Variants in MLANA observed in about 807,000 individuals in gnomAD.
MLANA encodes the protein melanoma antigen recognized by T-cells 1.
Under a neutral mutation model 15.7 loss-of-function variants are expected in MLANA, and 21 were observed. That is an observed-to-expected ratio of 1.33 (90% CI 0.95 to 1.92). The LOEUF (loss-of-function observed/expected upper bound fraction) is 1.92. MLANA is among the 40% of genes most tolerant of loss of function. MLANA has a pLI of 0.00. For synonymous variants in MLANA, 56 were observed against 51.5 expected, an observed-to-expected ratio of 1.09 and a Z score of -0.37; for missense variants, 164 against 143.8, an observed-to-expected ratio of 1.14 and a Z score of -0.72.
chr9:5,897,758 T>G, intron 3 of MLANA, 105 bp downstream of exon 3: 1 of 994,660 alleles, frequency 1.0e-6, no homozygotes, highest in South Asian at 1.3e-5. Flanking sequence ...ATTATAACCT[T>G]CAGCTCTGAT....
rs975547879 is a variant in MLANA at position 5,908,806 on chromosome 9, G to C, written c.*98G>C. 5.0e-6 allele frequency: 6 copies of C among 1,196,164 alleles called. No homozygotes were observed. The highest frequency in any genetic ancestry group is 1.9e-4 in the Middle Eastern group (1 of 5,158). The allele number at this position is 1,196,164 out of a possible 1,614,324, so 74.1% of individuals were successfully genotyped here. On this transcript the variant is annotated 3_prime_UTR_variant, in exon 5 of 5. Transcript: ENST00000381477. ...TAATGTTCTCCTTTGGAATGGTGTA[G>C]GAAAAATGCAAGCCATCTCTAATAA...
In MLANA at chr9:5,910,350, T is replaced by C. The variant is rs913488318; in HGVS notation, c.*1642T>C. ...GAAAACACAGGATAAAGAGATGTATTACACACATCGAAAAAAACAACATTT... is the reference window on the plus strand; with the variant it reads ...GAAAACACAGGATAAAGAGATGTATCACACACATCGAAAAAAACAACATTT... On this transcript the variant is annotated 3_prime_UTR_variant, in exon 5 of 5. Coordinates refer to ENST00000381477, the MANE Select transcript of MLANA (RefSeq NM_005511.2). 6.6e-6 allele frequency: 1 copy of C among 152,214 alleles called. No homozygotes were observed. Among genetic ancestry groups the C allele is most frequent in the East Asian group, 1.9e-4 (1 of 5,204 alleles). 9.4% of individuals were successfully genotyped at this position (152,214 alleles called of 1,614,324 possible).
chr9:5,899,072 A>C (rs1250522222), intron 3 of MLANA: 3 of 152,244 alleles, frequency 2.0e-5, no homozygotes, highest in Non-Finnish European at 4.4e-5. Flanking sequence ...GCTTAAAGCC[A>C]GGTAGCACTT....
intron 3 of MLANA, among the ~76,000 whole-genome samples, chr9:5,898,616 G>T (rs764557936): frequency 6.6e-5 from 10 of 152,158 alleles, no homozygotes; most frequent in Non-Finnish European, 1.2e-4. Context: ...GGTTTATAGG[G>T]CACAGGGGAA....
chr9:5,902,294 T>A (rs911187988), intron 3 of MLANA, among the ~76,000 whole-genome samples: 1 of 152,334 alleles, frequency 6.6e-6, no homozygotes, highest in Non-Finnish European at 1.5e-5. Flanking sequence ...TGAGCATAGT[T>A]CATAGTATTC....
At chr9:5,899,749 T>C (rs4554522) in intron 3 of MLANA, among the ~76,000 whole-genome samples, 26,661 of 152,184 alleles carry the variant, frequency 0.18, 2,421 homozygotes, top group Middle Eastern at 0.21. Flanking sequence ...CTTTCCCCTA[T>C]GTATGAACCA....
chr9:5,898,653 C>T (rs766118584), intron 3 of MLANA, among the ~76,000 whole-genome samples: 8 of 152,148 alleles, frequency 5.3e-5, no homozygotes, highest in East Asian at 3.9e-4. Context: ...TTATAGCAAA[C>T]AGGAGTATAT....
chr9:5,893,163 C>T (rs1175904554), intron 2 of MLANA, among the ~76,000 whole-genome samples: 1 of 152,190 alleles, frequency 6.6e-6, no homozygotes, highest in Non-Finnish European at 1.5e-5. Flanking sequence ...AAAAAACTCA[C>T]AACTTAGTGG....
At position 5,908,979 on chromosome 9, in the gene MLANA, G is replaced by C; in HGVS notation, c.*271G>C. 2.5e-6 allele frequency: 1 copy of C among 402,518 alleles called. No individual in the cohort carries two copies. Among genetic ancestry groups the C allele is most frequent in the South Asian group, 3.6e-5 (1 of 28,098 alleles). 24.9% of individuals were successfully genotyped at this position (402,518 alleles called of 1,614,324 possible). On this transcript the variant is annotated 3_prime_UTR_variant, in exon 5 of 5. Transcript: ENST00000381477. ...CAGAGGTAATGTTAGTAAATCCATG[G>C]TGTTATTTTCTGAGAGACAGAATTC...
At chr9:5,893,676 A>T (rs970239270) in intron 2 of MLANA, among the ~76,000 whole-genome samples, 1 of 151,928 alleles carries the variant, frequency 6.6e-6, no homozygotes, top group African/African-American at 2.4e-5. Flanking sequence ...CACTCAACAG[A>T]CTCTTTAAAA....
intron 4 of MLANA, among the ~76,000 whole-genome samples, chr9:5,908,134 C>T (rs1364705614): frequency 6.6e-6 from 1 of 152,134 alleles, no homozygotes; most frequent in Non-Finnish European, 1.5e-5. Flanking sequence ...GCGAGTTAAC[C>T]TCTCTGTGCC....
chr9:5,901,222 T>C (rs939521561), intron 3 of MLANA, among the ~76,000 whole-genome samples: 1 of 152,158 alleles, frequency 6.6e-6, no homozygotes, highest in Non-Finnish European at 1.5e-5. Context: ...CCTTTTCCAG[T>C]TTATTGCATT....
chr9:5,906,145 G>C (rs1191938946), intron 3 of MLANA, among the ~76,000 whole-genome samples: 2 of 150,500 alleles, frequency 1.3e-5, no homozygotes, highest in Non-Finnish European at 3.0e-5. Flanking sequence ...GAGCTCAGGA[G>C]TTTAAGACCA....
intron 3 of MLANA, among the ~76,000 whole-genome samples, chr9:5,902,706 T>C (rs1381311951): frequency 3.9e-5 from 6 of 151,934 alleles, no homozygotes; most frequent in Admixed American, 3.3e-4. Context: ...AGAGTCTCAC[T>C]ATGTTGCTCT....
At chr9:5,895,483 T>G (rs1474046178) in intron 2 of MLANA, among the ~76,000 whole-genome samples, 1 of 152,188 alleles carries the variant, frequency 6.6e-6, no homozygotes, top group Non-Finnish European at 1.5e-5. Context: ...ATATTTATCC[T>G]TCTCACAATT....
intron 3 of MLANA, among the ~76,000 whole-genome samples, chr9:5,901,087 C>T (rs1017701643): frequency 8.6e-5 from 13 of 151,216 alleles, no homozygotes; most frequent in African/African-American, 2.7e-4. Flanking sequence ...GGCAGTGAAC[C>T]GGTAGAGTGG....
chr9:5,902,749 C>T (rs144566674), intron 3 of MLANA, among the ~76,000 whole-genome samples: 2,385 of 152,034 alleles, frequency 0.016, 74 homozygotes, highest in African/African-American at 0.054. Flanking sequence ...TCAAGCAGTC[C>T]TCCTGCCTTG....
At chr9:5,905,770 T>C (rs913973665) in intron 3 of MLANA, among the ~76,000 whole-genome samples, 16 of 152,342 alleles carry the variant, frequency 1.1e-4, no homozygotes, top group African/African-American at 3.6e-4. Context: ...TTATGATTTT[T>C]ACCTACAATT....
intron 3 of MLANA, among the ~76,000 whole-genome samples, chr9:5,903,946 T>A (rs1432092017): frequency 6.6e-6 from 1 of 151,662 alleles, no homozygotes; most frequent in African/African-American, 2.4e-5. Context: ...CAACCTCCAC[T>A]TCCTGGGTTC....
Sources: allele counts gnomAD v4.1 joint callset (sites outside exome capture counted in the v4.1 genomes callset), GRCh38; gene constraint gnomAD v4.1.1; transcripts MANE v1.5; gene names NCBI Gene and HGNC (gene_info 2026-07-23, HGNC 2026-07-21).